Variants in TLL1 observed in about 807,000 individuals in gnomAD.
The protein encoded by TLL1 is tolloid like 1.
TLL1 carries 49 observed loss-of-function variants against 128.2 expected under a neutral mutation model. The observed-to-expected ratio is 0.38, with a 90% CI of 0.30 to 0.48. TLL1 has a LOEUF of 0.48. Ranked by LOEUF, TLL1 falls within the 20% of genes least tolerant of loss-of-function variation. TLL1 has a pLI of 0.96. For synonymous variants in TLL1, 454 were observed against 418.8 expected, an observed-to-expected ratio of 1.08 and a Z score of -1.03; for missense variants, 1,123 against 1,242.0, an observed-to-expected ratio of 0.90 and a Z score of 1.44.
intron 1 of TLL1, among the ~76,000 whole-genome samples, chr4:165,987,495 A>G (rs1736441109): frequency 1.3e-5 from 2 of 152,182 alleles, no homozygotes; most frequent in African/African-American, 4.8e-5. Flanking sequence ...GTTATAAACT[A>G]TTCTGTACAC....
chr4:165,978,573 T>G, intron 1 of TLL1, among the ~76,000 whole-genome samples: 1 of 152,206 alleles, frequency 6.6e-6, no homozygotes, highest in East Asian at 1.9e-4. Flanking sequence ...AAAATTCTTT[T>G]GCTTTTAGGA....
chr4:166,076,799 G>T (rs1381729675), intron 17 of TLL1, among the ~76,000 whole-genome samples: 1 of 152,132 alleles, frequency 6.6e-6, no homozygotes, highest in African/African-American at 2.4e-5. Context: ...GACAGGAACT[G>T]AATTTTACCT....
At chr4:166,073,383 A>G (rs1408766940) in intron 16 of TLL1, among the ~76,000 whole-genome samples, 2 of 152,100 alleles carry the variant, frequency 1.3e-5, no homozygotes, top group Non-Finnish European at 2.9e-5. Flanking sequence ...ATTATGGTAA[A>G]TTTCTCTAAA....
At chr4:165,992,937 A>G in intron 3 of TLL1, 53 bp downstream of exon 3, 2 of 1,376,286 alleles carry the variant, frequency 1.5e-6, no homozygotes, top group Non-Finnish European at 2.1e-6. Context: ...AGTAAATATT[A>G]TACTCATAGC....
chr4:165,982,723 A>G (rs1431547246), intron 1 of TLL1, among the ~76,000 whole-genome samples: 1 of 137,318 alleles, frequency 7.3e-6, no homozygotes, highest in Admixed American at 7.8e-5. Flanking sequence ...GGTAAGCCAT[A>G]GAGCAATGTA....
chr4:165,994,484 A>C lies in TLL1; in HGVS notation c.465A>C (p.Arg155Ser). Reference sequence around the variant, plus strand: ...GAGCCGCTACATCAAGAACGGAAAGAATATGGCCTGGAGGCGTTATTCCTT... The same window carrying C: ...GAGCCGCTACATCAAGAACGGAAAGCATATGGCCTGGAGGCGTTATTCCTT... ...VPRAATSRTE[R>S]IWPGGVIPYV... The change falls in exon 4 of 21, where the codon AGA becomes AGC. Residue 155 changes from arginine (R) to serine (S), a missense_variant. By Grantham distance (110) the Arg-to-Ser change is moderately radical. Coordinates refer to ENST00000061240, the MANE Select transcript of TLL1 (RefSeq NM_012464.5). 6.2e-7 allele frequency: 1 copy of C among 1,614,062 alleles called. No individual in the cohort carries two copies. The highest frequency in any genetic ancestry group is 8.5e-7 in the Non-Finnish European group (1 of 1,179,972).
At chr4:166,005,893 A>G (rs1305213887) in intron 6 of TLL1, among the ~76,000 whole-genome samples, 1 of 151,904 alleles carries the variant, frequency 6.6e-6, no homozygotes, top group Non-Finnish European at 1.5e-5. Flanking sequence ...GCGCAATCCT[A>G]AAACAGTGCT....
At chr4:166,096,210 G>GGTGTGTGTGTGTGTGTGTGTGTGT (rs60978680) in intron 19 of TLL1, among the ~76,000 whole-genome samples, 1 of 145,480 alleles carries the variant, frequency 6.9e-6, no homozygotes, top group African/African-American at 2.5e-5. Flanking sequence ...TTCTGTCATG[G>GGTGTGTGTGTGTGTGTGTGTGTGT]GTGTGTGTGT....
At chr4:165,903,703 G>A (rs879327017) in intron 1 of TLL1, among the ~76,000 whole-genome samples, 9 of 150,926 alleles carry the variant, frequency 6.0e-5, no homozygotes, top group East Asian at 4.0e-4. Context: ...AAGCCACTGC[G>A]CCCAGCAGAG....
intron 19 of TLL1, among the ~76,000 whole-genome samples, chr4:166,098,460 T>C (rs977697104): frequency 6.6e-6 from 1 of 152,104 alleles, no homozygotes; most frequent in Non-Finnish European, 1.5e-5. Context: ...ATTTATTTCT[T>C]TGGTGTATTT....
At chr4:166,056,622 A>G (rs188070774) in intron 13 of TLL1, among the ~76,000 whole-genome samples, 32 of 152,272 alleles carry the variant, frequency 2.1e-4, no homozygotes, top group African/African-American at 7.5e-4. Flanking sequence ...TTTTGCTGAT[A>G]TATCTATTAA....
chr4:166,051,799 C>CAACTCATGTAGATGAGGCACATA (rs1739752676), intron 12 of TLL1, among the ~76,000 whole-genome samples: 1 of 152,156 alleles, frequency 6.6e-6, no homozygotes, highest in Non-Finnish European at 1.5e-5. Context: ...ATATTATTTT[C>CAACTCATGTAGATGAGGCACATA]TAGGCAACTC....
intron 1 of TLL1, among the ~76,000 whole-genome samples, chr4:165,969,883 A>G (rs958297517): frequency 1.2e-4 from 18 of 152,136 alleles, no homozygotes; most frequent in African/African-American, 3.6e-4. Flanking sequence ...ACACATTCTT[A>G]TCATATCAAG....
intron 17 of TLL1, 114 bp downstream of exon 17, chr4:166,075,117 T>C (rs1359319123): frequency 6.7e-7 from 1 of 1,494,128 alleles, no homozygotes; most frequent in Non-Finnish European, 9.2e-7. Context: ...TGGTGGGCTA[T>C]CCAAATGTCA....
At chr4:166,018,228 T>C (rs1738042626) in intron 8 of TLL1, among the ~76,000 whole-genome samples, 1 of 152,188 alleles carries the variant, frequency 6.6e-6, no homozygotes, top group Non-Finnish European at 1.5e-5. Context: ...GGTACTCGGA[T>C]ACTTGGCTAA....
At chr4:165,983,121 CT>C (rs1316059056) in intron 1 of TLL1, among the ~76,000 whole-genome samples, 1 of 151,796 alleles carries the variant, frequency 6.6e-6, no homozygotes, top group African/African-American at 2.4e-5. Context: ...TCAATATTTA[CT>C]TTTACGTTTC....
chr4:165,944,620 A>G (rs540528139), intron 1 of TLL1, among the ~76,000 whole-genome samples: 1 of 152,224 alleles, frequency 6.6e-6, no homozygotes, highest in African/African-American at 2.4e-5. Flanking sequence ...GAGTGTTTAA[A>G]TTTGCTGTTC....
At chr4:165,968,494 A>G (rs1735492657) in intron 1 of TLL1, among the ~76,000 whole-genome samples, 1 of 152,136 alleles carries the variant, frequency 6.6e-6, no homozygotes, top group South Asian at 2.1e-4. Context: ...TTTTTTCCCC[A>G]CTATTCTATA....
intron 1 of TLL1, among the ~76,000 whole-genome samples, chr4:165,888,417 T>TTTTAAAGAAAAA (rs1731255246): frequency 6.6e-6 from 1 of 152,170 alleles, no homozygotes; most frequent in South Asian, 2.1e-4. Flanking sequence ...TTAGGCATAG[T>TTTTAAAGAAAAA]CTATTCCTTT....
Sources: allele counts gnomAD v4.1 joint callset (sites outside exome capture counted in the v4.1 genomes callset), GRCh38; gene constraint gnomAD v4.1.1; transcripts MANE v1.5; gene names NCBI Gene and HGNC (gene_info 2026-07-23, HGNC 2026-07-21).